Variants in PPP1R36 observed in about 807,000 individuals in gnomAD.
The protein encoded by PPP1R36 is protein phosphatase 1 regulatory subunit 36, also known as chromosome 14 open reading frame 50.
In PPP1R36, 47 loss-of-function variants were observed where a neutral mutation model predicts 53.4. The ratio of observed to expected loss-of-function variants is 0.88; its 90% CI spans 0.70 to 1.12. PPP1R36 has a LOEUF of 1.12. PPP1R36 is among the 50% of genes most tolerant of loss of function. PPP1R36 has a pLI of 0.00. For synonymous variants in PPP1R36, 153 were observed against 170.5 expected (o/e 0.90, Z 0.80); for missense variants, 456 against 513.9 (o/e 0.89, Z 1.09).
intron 8 of PPP1R36, among the ~76,000 whole-genome samples, chr14:64,577,339 C>A (rs954590968): frequency 1.3e-5 from 2 of 152,184 alleles, no homozygotes; most frequent in Admixed American, 1.3e-4. Flanking sequence ...CTCATTGCAC[C>A]ATGCCTCCCA....
chr14:64,587,051 A>G (rs2080438855), intron 9 of PPP1R36, 143 bp from the exon 10 acceptor site: 1 of 794,730 alleles, frequency 1.3e-6, no homozygotes, highest in Middle Eastern at 3.3e-4. Flanking sequence ...AAAAGTGAGT[A>G]TGTGTATAAT....
chr14:64,576,076 A>G (rs1290938182), intron 8 of PPP1R36, among the ~76,000 whole-genome samples: 3 of 113,726 alleles, frequency 2.6e-5, no homozygotes, highest in African/African-American at 9.5e-5. Context: ...TTGACTGAGT[A>G]TCTTTTTTTT....
intron 7 of PPP1R36, among the ~76,000 whole-genome samples, chr14:64,571,767 C>G (rs929581411): frequency 6.6e-6 from 1 of 152,230 alleles, no homozygotes; most frequent in Non-Finnish European, 1.5e-5. Flanking sequence ...GCTTAATGGA[C>G]TCACAGTTCC....
intron 3 of PPP1R36, among the ~76,000 whole-genome samples, chr14:64,563,258 A>C (rs533527385): frequency 6.6e-6 from 1 of 152,088 alleles, no homozygotes; most frequent in Non-Finnish European, 1.5e-5. Flanking sequence ...TGCAGTCTCC[A>C]CTTTCTGGGC....
At position 64,564,900 on chromosome 14, in the gene PPP1R36, C is replaced by G. The variant is rs904089872; in HGVS notation, c.269+63C>G. On this transcript the variant is annotated intron_variant, in intron 4 of 11. Coordinates refer to ENST00000298705, the MANE Select transcript of PPP1R36 (RefSeq NM_172365.3). ...GCATCTCTCAGTGGAATGGCTTCAG[C>G]CTTTACAAACTACGAAAATACCATT... is the stretch of plus-strand genomic sequence containing the variant. 2.3e-5 allele frequency: 25 copies of G among 1,072,352 alleles called. No homozygotes were observed. The African/African-American group carries it at 4.1e-4, about 18-fold the overall frequency. The allele number at this position is 1,072,352 out of a possible 1,614,324, so 66.4% of individuals were successfully genotyped here.
At chr14:64,566,875 G>A (rs1596734035) in intron 6 of PPP1R36, among the ~76,000 whole-genome samples, 1 of 152,380 alleles carries the variant, frequency 6.6e-6, no homozygotes, top group East Asian at 1.9e-4. Flanking sequence ...GCTGGTGGAG[G>A]AGTTGATAGG....
At chr14:64,560,036 G>A (rs1234597004) in intron 3 of PPP1R36, among the ~76,000 whole-genome samples, 3 of 148,748 alleles carry the variant, frequency 2.0e-5, no homozygotes, top group Non-Finnish European at 4.4e-5. Context: ...CCCAGGAGGC[G>A]GAGGTTGCAG....
chr14:64,583,832 A>AG (rs1374010504), intron 8 of PPP1R36, among the ~76,000 whole-genome samples: 1 of 150,564 alleles, frequency 6.6e-6, no homozygotes, highest in Non-Finnish European at 1.5e-5. Flanking sequence ...AAAAAAAAAA[A>AG]AGAGAGAAAG....
chr14:64,550,182 C>A, intron 1 of PPP1R36, 116 bp downstream of exon 1: 1 of 1,447,842 alleles, frequency 6.9e-7, no homozygotes, highest in Admixed American at 2.5e-5. Context: ...GCCTTCGCCC[C>A]GGGCTGGCGG....
At chr14:64,579,392 G>A (rs1285438279) in intron 8 of PPP1R36, among the ~76,000 whole-genome samples, 1 of 152,228 alleles carries the variant, frequency 6.6e-6, no homozygotes, top group Non-Finnish European at 1.5e-5. Context: ...TTAAAAGTTG[G>A]GGATGTTTCA....
intron 1 of PPP1R36, among the ~76,000 whole-genome samples, chr14:64,550,660 C>G (rs1021582312): frequency 3.9e-5 from 6 of 152,190 alleles, no homozygotes; most frequent in Admixed American, 2.0e-4. Flanking sequence ...TTCTCCCTCT[C>G]CCTCCTTCCT....
At chr14:64,571,576 G>C (rs1280487314) in intron 7 of PPP1R36, among the ~76,000 whole-genome samples, 3 of 152,076 alleles carry the variant, frequency 2.0e-5, no homozygotes, top group African/African-American at 7.2e-5. Context: ...AGTGGTTAAG[G>C]GTACAGATTT....
chr14:64,575,211 C>T (rs1451949454), intron 8 of PPP1R36, among the ~76,000 whole-genome samples: 1 of 152,168 alleles, frequency 6.6e-6, no homozygotes, highest in African/African-American at 2.4e-5. Flanking sequence ...ATAGCCAGAA[C>T]AGTTTTTTTC....
intron 7 of PPP1R36, among the ~76,000 whole-genome samples, chr14:64,573,996 G>A (rs547933906): frequency 1.5e-4 from 22 of 148,682 alleles, no homozygotes; most frequent in Non-Finnish European, 2.5e-4. Flanking sequence ...TAAATATGAA[G>A]GGACTTTAAG....
rs757261083 is a variant in PPP1R36 at position 64,588,310 on chromosome 14, A to T, written c.1082+15A>T. On this transcript the variant is annotated intron_variant, in intron 11 of 11. Transcript: ENST00000298705. ...CCCATGCCGGTGTAAGTGGCTTGGC[A>T]AGAGAAGCATGAGTGCCTTGAGGTG... The T allele has an allele frequency of 4.4e-6, 7 of 1,587,620 alleles. 1 individual carries two copies. In the South Asian group the frequency reaches 6.8e-5, roughly 15 times the overall value.
At position 64,588,281 on chromosome 14, in the gene PPP1R36, T is replaced by C. The variant is rs767725147; in HGVS notation, c.1068T>C (p.Ser356=). The change falls in exon 11 of 12, where the codon TCT becomes TCC. Residue 356 remains serine, a synonymous_variant. Transcript: ENST00000298705. ...AAAAGCATGTGGGAACTCTGGACTCTGTGCCCATGCCGGTGTAAGTGGCTT... is the reference window on the plus strand; with the variant it reads ...AAAAGCATGTGGGAACTCTGGACTCCGTGCCCATGCCGGTGTAAGTGGCTT... The part of the protein sequence containing the change: ...EMQKHVGTLD[S]VPMPVVGILG... The C allele has an allele frequency of 2.5e-5, 41 of 1,609,556 alleles. 1 individual carries two copies. The highest frequency in any genetic ancestry group is 1.7e-4 in the Middle Eastern group (1 of 6,016).
chr14:64,564,684 A>T (rs1280586592), intron 3 of PPP1R36, 67 bp from the exon 4 acceptor site: 1 of 1,033,036 alleles, frequency 9.7e-7, no homozygotes, highest in Non-Finnish European at 1.5e-6. Flanking sequence ...ATTATGAGCT[A>T]TGATATGATT....
chr14:64,588,464 T>A, intron 11 of PPP1R36, 169 bp downstream of exon 11: 1 of 553,016 alleles, frequency 1.8e-6, no homozygotes, highest in Non-Finnish European at 3.1e-6. Flanking sequence ...TTCTAGAGAA[T>A]CTTGAGGTAC....
At chr14:64,584,267 G>A (rs576955940) in intron 8 of PPP1R36, among the ~76,000 whole-genome samples, 8 of 152,106 alleles carry the variant, frequency 5.3e-5, no homozygotes, top group Non-Finnish European at 8.8e-5. Flanking sequence ...GTGTTTCCTG[G>A]GCAATCACTC....
Sources: gnomAD v4.1 joint callset for allele counts (sites outside exome capture counted in the v4.1 genomes callset) on GRCh38, gnomAD v4.1.1 for gene constraint, MANE v1.5 for transcripts, NCBI Gene and HGNC (gene_info 2026-07-23, HGNC 2026-07-21) for gene names.